The following RAB28 variants were observed in gnomAD, a reference collection of about 807,000 sequenced individuals.
RAB28 encodes RAB28, member RAS oncogene family.
A neutral mutation model predicts 31.7 loss-of-function variants in RAB28; 24 were observed. That is an observed-to-expected ratio of 0.76 (90% CI 0.55 to 1.06). The LOEUF is 1.06. Ranked by LOEUF, RAB28 falls within the 50% of genes least tolerant of loss-of-function variation. The pLI is 0.00. For missense variants in RAB28, 254 were observed against 258.5 expected (o/e 0.98, Z 0.12); for synonymous variants, 100 against 90.4 (o/e 1.11, Z -0.60).
intron 4 of RAB28, among the ~76,000 whole-genome samples, chr4:13,393,678 T>C (rs565218631): frequency 1.3e-5 from 2 of 151,236 alleles, no homozygotes; most frequent in South Asian, 2.1e-4. Context: ...TTTTCTTCGG[T>C]TTACCCATCT....
chr4:13,405,651 G>A (rs1354661931), intron 4 of RAB28, among the ~76,000 whole-genome samples: 1 of 152,026 alleles, frequency 6.6e-6, no homozygotes, highest in African/African-American at 2.4e-5. Flanking sequence ...GTAATCATGG[G>A]AGAGCAATAA....
intron 4 of RAB28, among the ~76,000 whole-genome samples, chr4:13,420,846 C>T (rs541021530): frequency 1.7e-4 from 26 of 152,294 alleles, no homozygotes; most frequent in African/African-American, 6.0e-4. Context: ...AAAACTGGCA[C>T]AAGACAAGGA....
chr4:13,439,185 A>G (rs1714282834), intron 4 of RAB28, among the ~76,000 whole-genome samples: 1 of 152,122 alleles, frequency 6.6e-6, no homozygotes, highest in South Asian at 2.1e-4. Context: ...ATCAGACATG[A>G]TTTGTAAATA....
intron 4 of RAB28, among the ~76,000 whole-genome samples, chr4:13,437,132 T>C (rs182781005): frequency 1.8e-3 from 267 of 152,192 alleles, no homozygotes; most frequent in African/African-American, 6.2e-3. Flanking sequence ...ACTCAACAAA[T>C]GGTGCTGGAA....
intron 4 of RAB28, among the ~76,000 whole-genome samples, chr4:13,427,902 T>C (rs551723010): frequency 2.6e-5 from 4 of 152,198 alleles, no homozygotes; most frequent in Non-Finnish European, 5.9e-5. Flanking sequence ...AAGTGCTTTA[T>C]TCGGCTGGGA....
chr4:13,370,941 T>C (rs762680533), intron 6 of RAB28: 11 of 976,164 alleles, frequency 1.1e-5, no homozygotes, highest in Non-Finnish European at 1.3e-5. Context: ...ATGACACAGA[T>C]AACATGTTAC....
intron 4 of RAB28, among the ~76,000 whole-genome samples, chr4:13,446,433 T>C (rs1344016398): frequency 3.3e-5 from 5 of 152,342 alleles, no homozygotes; most frequent in South Asian, 2.1e-4. Context: ...AAATTCCTGC[T>C]GCTCAGTGCC....
chr4:13,453,851 T>C (rs1200641787), intron 4 of RAB28, among the ~76,000 whole-genome samples: 2 of 152,148 alleles, frequency 1.3e-5, no homozygotes, highest in Non-Finnish European at 2.9e-5. Context: ...GCTTCCTCGA[T>C]GTGAATGTTC....
intron 4 of RAB28, among the ~76,000 whole-genome samples, chr4:13,440,822 A>T (rs1482728109): frequency 3.9e-5 from 6 of 152,104 alleles, no homozygotes; most frequent in African/African-American, 1.4e-4. Context: ...CACTATGACT[A>T]GCGCTGTAAG....
intron 4 of RAB28, among the ~76,000 whole-genome samples, chr4:13,444,007 G>A (rs1391544758): frequency 6.6e-6 from 1 of 151,360 alleles, no homozygotes; most frequent in Non-Finnish European, 1.5e-5. Flanking sequence ...TGTCAAAAAT[G>A]ACAGGATTTC....
At position 13,406,401 on chromosome 4, in the gene RAB28, T is replaced by C. The variant is rs543645442; in HGVS notation, c.392-24807A>G. Among the ~76,000 whole-genome samples the C allele has an allele frequency of 1.2e-4, 19 of 152,326 alleles. No individual in the cohort carries two copies. In the South Asian group the frequency reaches 2.3e-3, roughly 18 times the overall value. ...CACATTTTCTTTATCCAGTCTACCATTGGTGGGCATTTGGGATGGTTCCAA... is the reference window on the plus strand; with the variant it reads ...CACATTTTCTTTATCCAGTCTACCACTGGTGGGCATTTGGGATGGTTCCAA... On this transcript the variant is annotated intron_variant, in intron 4 of 6. Coordinates refer to ENST00000330852, the MANE Select transcript of RAB28 (RefSeq NM_001017979.3).
chr4:13,421,839 G>A (rs1359542649), intron 4 of RAB28, among the ~76,000 whole-genome samples: 1 of 152,054 alleles, frequency 6.6e-6, no homozygotes, highest in Non-Finnish European at 1.5e-5. Flanking sequence ...ACACAGGCAT[G>A]GGCAAGGACT....
intron 4 of RAB28, among the ~76,000 whole-genome samples, chr4:13,413,535 C>T (rs1200560732): frequency 6.6e-6 from 1 of 151,834 alleles, no homozygotes; most frequent in African/African-American, 2.4e-5. Flanking sequence ...TAATAGTACC[C>T]GCAGAGAAAA....
intron 4 of RAB28, among the ~76,000 whole-genome samples, chr4:13,409,030 G>GA (rs1356080627): frequency 1.3e-5 from 2 of 151,970 alleles, no homozygotes; most frequent in African/African-American, 4.8e-5. Flanking sequence ...AATATTTTGG[G>GA]ACCTCTCTAT....
Position 13,460,742 on chromosome 4 carries a change from C to A in RAB28, c.348G>T (p.Glu116Asp). ...DWYTVVKKVS[E>D]ESETQPLVAL... ...CAACCAGTGGCTGAGTTTCTGACTC[C>A]TCGCTCACTTTCTTCACCACAGTAT... Residue 116 changes from glutamate (E) to aspartate (D), a missense_variant, in exon 4 of 7, where the codon GAG becomes GAT. Coordinates refer to ENST00000330852, the MANE Select transcript of RAB28 (RefSeq NM_001017979.3). The A allele has an allele frequency of 1.2e-6, 2 of 1,614,058 alleles. No individual in the cohort carries two copies. Among genetic ancestry groups the A allele is most frequent in the Non-Finnish European group, 1.7e-6 (2 of 1,179,956 alleles).
At chr4:13,446,852 T>C (rs534524878) in intron 4 of RAB28, among the ~76,000 whole-genome samples, 14 of 152,184 alleles carry the variant, frequency 9.2e-5, no homozygotes, top group African/African-American at 3.1e-4. Context: ...GATACATATA[T>C]CCAACTGCTT....
chr4:13,422,839 G>A (rs1713243971), intron 4 of RAB28, among the ~76,000 whole-genome samples: 1 of 151,282 alleles, frequency 6.6e-6, no homozygotes, highest in African/African-American at 2.4e-5. Flanking sequence ...CATGGCACAT[G>A]TACACCTATA....
At chr4:13,370,556 C>T (rs754028621) in intron 6 of RAB28, 1 of 933,870 alleles carries the variant, frequency 1.1e-6, no homozygotes, top group Non-Finnish European at 1.3e-6. Flanking sequence ...GCTGTGGGAA[C>T]ACAGAGGAAG....
At chr4:13,422,716 C>G (rs568658476) in intron 4 of RAB28, among the ~76,000 whole-genome samples, 17 of 149,964 alleles carry the variant, frequency 1.1e-4, no homozygotes, top group African/African-American at 3.9e-4. Context: ...CACTTGGACA[C>G]AGGGTGGGGA....
Sources: allele counts gnomAD v4.1 joint callset (sites outside exome capture counted in the v4.1 genomes callset), GRCh38; gene constraint gnomAD v4.1.1; transcripts MANE v1.5; gene names NCBI Gene and HGNC (gene_info 2026-07-23, HGNC 2026-07-21).